Variants in ZSWIM7 observed in about 807,000 individuals in gnomAD.
ZSWIM7 encodes zinc finger SWIM-type containing 7, also known as zinc finger SWIM domain-containing protein 7.
In ZSWIM7, 22 loss-of-function variants were observed where a neutral mutation model predicts 21.1. The observed-to-expected ratio is 1.04, with a 90% CI of 0.74 to 1.49. The LOEUF (loss-of-function observed/expected upper bound fraction) is 1.49, where lower values mean the gene tolerates loss of function less well. Among genes scored for constraint, ZSWIM7 ranks in the 40% most tolerant of loss-of-function variants. The probability of loss-of-function intolerance (pLI) is 0.00; values close to 1 mark genes in which losing one functional copy is unlikely to be tolerated. For synonymous variants in ZSWIM7, 67 were observed against 66.5 expected (o/e 1.01, Z -0.04); for missense variants, 193 against 168.0 (o/e 1.15, Z -0.82).
At chr17:15,986,190 C>G (rs1293375431) in intron 3 of ZSWIM7, among the ~76,000 whole-genome samples, 1 of 152,140 alleles carries the variant, frequency 6.6e-6, no homozygotes, top group African/African-American at 2.4e-5. Context: ...ATTACAGGCA[C>G]CTGCCACCAC....
chr17:15,998,053 ATCGCCCAT>A (rs1222919833), intron 1 of ZSWIM7, among the ~76,000 whole-genome samples: 1 of 152,026 alleles, frequency 6.6e-6, no homozygotes, highest in Non-Finnish European at 1.5e-5. Context: ...CTGAGCTGAG[ATCGCCCAT>A]TGCACTCCAG....
intron 1 of ZSWIM7, among the ~76,000 whole-genome samples, chr17:15,995,972 T>C (rs1597443224): frequency 6.6e-6 from 1 of 152,140 alleles, no homozygotes; most frequent in Non-Finnish European, 1.5e-5. Flanking sequence ...GGAGTAACAC[T>C]AGAAGCTAAG....
chr17:15,977,964 T>C lies in ZSWIM7; in HGVS notation c.*83A>G. On this transcript the variant is annotated 3_prime_UTR_variant, in exon 5 of 5. Transcript: ENST00000399277. ...GAAGTGTCTGAAGATCCATTTCACC[T>C]CTTTTCCATGTGAATCATGACGCTT... is the stretch of plus-strand genomic sequence containing the variant. The C allele has an allele frequency of 1.8e-6, 2 of 1,133,370 alleles. No homozygotes were observed. The highest frequency in any genetic ancestry group is 3.5e-5 in the Admixed American group (2 of 57,904). The allele number at this position is 1,133,370 out of a possible 1,614,324, so 70.2% of individuals were successfully genotyped here.
intron 2 of ZSWIM7, among the ~76,000 whole-genome samples, chr17:15,992,718 C>CGT (rs1172078156): frequency 1.3e-5 from 2 of 152,000 alleles, no homozygotes; most frequent in Admixed American, 1.3e-4. Flanking sequence ...CGATTACAGG[C>CGT]GTGAGCCATT....
intron 1 of ZSWIM7, among the ~76,000 whole-genome samples, chr17:15,996,804 T>C (rs1322898458): frequency 6.6e-6 from 1 of 151,650 alleles, no homozygotes; most frequent in African/African-American, 2.4e-5. Flanking sequence ...TGACCTATGA[T>C]TGTGCCACTG....
At chr17:15,992,040 C>G (rs1970493119) in intron 2 of ZSWIM7, among the ~76,000 whole-genome samples, 1 of 151,582 alleles carries the variant, frequency 6.6e-6, no homozygotes, top group African/African-American at 2.4e-5. Context: ...GATTCTCCTG[C>G]CTCAGCCCCC....
At chr17:15,995,504 T>C (rs1160800326) in intron 1 of ZSWIM7, among the ~76,000 whole-genome samples, 1 of 149,322 alleles carries the variant, frequency 6.7e-6, no homozygotes, top group Non-Finnish European at 1.5e-5. Flanking sequence ...TCAGATGATC[T>C]GCCCACCTTG....
At chr17:15,993,714 T>C (rs762055614) in intron 2 of ZSWIM7, 43 bp downstream of exon 2, 2 of 1,374,232 alleles carry the variant, frequency 1.5e-6, no homozygotes, top group Non-Finnish European at 2.0e-6. Context: ...ATTTTAACAT[T>C]AATGGTTAAA....
chr17:15,986,534 G>A (rs1170866167), intron 3 of ZSWIM7, among the ~76,000 whole-genome samples: 1 of 152,066 alleles, frequency 6.6e-6, no homozygotes, highest in Non-Finnish European at 1.5e-5. Flanking sequence ...GCTGAAGGGG[G>A]AGGACTGCTT....
intron 4 of ZSWIM7, among the ~76,000 whole-genome samples, chr17:15,979,794 G>A (rs1225992010): frequency 7.9e-6 from 1 of 126,532 alleles, no homozygotes; most frequent in Non-Finnish European, 1.7e-5. Flanking sequence ...CGGGCGGGGG[G>A]CTGACCCCCC....
chr17:15,978,848 T>A (rs908871987), intron 4 of ZSWIM7, among the ~76,000 whole-genome samples: 1 of 152,054 alleles, frequency 6.6e-6, no homozygotes, highest in African/African-American at 2.4e-5. Context: ...CACTAGGCTG[T>A]GAAGTGCTTC....
In ZSWIM7 at chr17:15,978,171, A is replaced by G. The variant is rs749132564; in HGVS notation, c.307-8T>C. On this transcript the variant is annotated splice_polypyrimidine_tract_variant and splice_region_variant and intron_variant, in intron 4 of 4. Coordinates refer to ENST00000399277, the MANE Select transcript of ZSWIM7 (RefSeq NM_001042697.2). The stretch of plus-strand genomic sequence containing the variant: ...TGCCAAGAGATGCTTGCACTGGAAT[A>G]TAAAACACACACACCTATTAGAAAC... The G allele has an allele frequency of 1.2e-6, 2 of 1,605,748 alleles. No homozygotes were observed. Among genetic ancestry groups the G allele is most frequent in the Admixed American group, 1.7e-5 (1 of 60,010 alleles).
chr17:15,991,836 G>A (rs1970485769), intron 2 of ZSWIM7, among the ~76,000 whole-genome samples: 1 of 151,578 alleles, frequency 6.6e-6, no homozygotes, highest in Admixed American at 6.6e-5. Flanking sequence ...CTGGAGTGTA[G>A]TGGCACAATC....
rs1567787690 is a variant in ZSWIM7, at chr17:15,977,375, T to C, written c.*672A>G. 6.6e-6 allele frequency: 1 copy of C among 152,118 alleles called. No individual in the cohort carries two copies. Among genetic ancestry groups the C allele is most frequent in the Non-Finnish European group, 1.5e-5 (1 of 68,024 alleles). The allele number at this position is 152,118 out of a possible 1,614,324, so 9.4% of individuals were successfully genotyped here. A position where few individuals can be genotyped will look rare whatever the true frequency, so the allele number is the denominator to read the frequency against. On this transcript the variant is annotated 3_prime_UTR_variant, in exon 5 of 5. Transcript: ENST00000399277. ...TGTTTGGCCCACCATTCCAACCTTT[T>C]AAAAATTACTAGTAATTCAGTTAGT...
chr17:15,980,364 G>A (rs1380767350), intron 4 of ZSWIM7: 2 of 152,274 alleles, frequency 1.3e-5, no homozygotes, highest in African/African-American at 4.8e-5. Flanking sequence ...AGTTACGAAT[G>A]TGGCCTCTTG....
intron 3 of ZSWIM7, among the ~76,000 whole-genome samples, chr17:15,984,441 G>A (rs1356010222): frequency 6.6e-6 from 1 of 152,198 alleles, no homozygotes; most frequent in African/African-American, 2.4e-5. Flanking sequence ...AAAGGAACAT[G>A]CTGGAAAGAG....
chr17:15,996,541 G>A lies in ZSWIM7; in HGVS notation c.77-2763C>T, dbSNP rs187549400. Among the ~76,000 whole-genome samples the A allele has an allele frequency of 5.3e-5, 8 of 152,138 alleles. No homozygotes were observed. In the East Asian group the frequency reaches 1.5e-3, roughly 29 times the overall value. On this transcript the variant is annotated intron_variant, in intron 1 of 4. Coordinates refer to ENST00000399277, the MANE Select transcript of ZSWIM7 (RefSeq NM_001042697.2). ...ATTGCGCAACTGTACTCTAGCCTGG[G>A]GAACAGAGTGAGACCCGGTCTCAAA...
At chr17:15,992,870 A>C (rs1413132302) in intron 2 of ZSWIM7, among the ~76,000 whole-genome samples, 1 of 152,062 alleles carries the variant, frequency 6.6e-6, no homozygotes, top group Non-Finnish European at 1.5e-5. Context: ...AGTTTCTAAG[A>C]GTATTTTTTA....
intron 1 of ZSWIM7, among the ~76,000 whole-genome samples, chr17:15,998,952 C>T (rs1970616871): frequency 6.6e-6 from 1 of 152,088 alleles, no homozygotes; most frequent in Non-Finnish European, 1.5e-5. Context: ...GACGAAGTTT[C>T]ACCATGTTGG....
Sources: allele counts gnomAD v4.1 joint callset (sites outside exome capture counted in the v4.1 genomes callset), GRCh38; gene constraint gnomAD v4.1.1; transcripts MANE v1.5; gene names NCBI Gene and HGNC (gene_info 2026-07-23, HGNC 2026-07-21).